Variants in COL8A1 observed in about 807,000 individuals in gnomAD.
COL8A1 encodes the protein collagen type VIII alpha 1 chain, also known as collagen alpha-1(VIII) chain.
COL8A1 carries 21 observed loss-of-function variants against 42.7 expected under a neutral mutation model. That is an observed-to-expected ratio of 0.49 (90% CI 0.35 to 0.71). The LOEUF is 0.71. Ranked by LOEUF, COL8A1 falls within the 30% of genes least tolerant of loss-of-function variation. The pLI is 0.01. For synonymous variants in COL8A1, 367 were observed against 369.1 expected (o/e 0.99, Z 0.06); for missense variants, 788 against 962.4 (o/e 0.82, Z 2.40).
In COL8A1 at chr3:99,666,625, G is replaced by A. The variant is rs114121356; in HGVS notation, c.-129+27961G>A. On this transcript the variant is annotated intron_variant, in intron 1 of 3. Transcript: ENST00000652472. ...TAGACTAGTGTGGAAAGTTAAGGTG[G>A]GGGAGAGTGGATTAATCTAATTTTG... is the stretch of plus-strand genomic sequence containing the variant. Among the ~76,000 whole-genome samples the A allele has an allele frequency of 3.7e-3, 561 of 152,256 alleles. 3 individuals carry two copies. The highest frequency in any genetic ancestry group is 0.012 in the African/African-American group (496 of 41,552).
intron 1 of COL8A1, among the ~76,000 whole-genome samples, chr3:99,651,064 T>C (rs1937830195): frequency 6.6e-6 from 1 of 152,206 alleles, no homozygotes; most frequent in Admixed American, 6.5e-5. Flanking sequence ...ATTGTACAAA[T>C]GGTGTTTGCC....
At chr3:99,775,649 C>T (rs2107442531) in intron 2 of COL8A1, among the ~76,000 whole-genome samples, 1 of 152,298 alleles carries the variant, frequency 6.6e-6, no homozygotes, top group East Asian at 1.9e-4. Context: ...GGCTAGGCTT[C>T]TCTAGGGTTC....
intron 1 of COL8A1, among the ~76,000 whole-genome samples, chr3:99,708,788 A>T (rs1322997262): frequency 6.6e-6 from 1 of 152,138 alleles, no homozygotes; most frequent in Non-Finnish European, 1.5e-5. Context: ...GCATTTTCCA[A>T]CCACTTCATT....
At chr3:99,721,232 T>G (rs1253670030) in intron 1 of COL8A1, among the ~76,000 whole-genome samples, 2 of 151,548 alleles carry the variant, frequency 1.3e-5, no homozygotes, top group Admixed American at 1.3e-4. Context: ...ACAATTAATG[T>G]GAGTTGTGTA....
At chr3:99,782,101 C>T (rs1941802643) in intron 2 of COL8A1, among the ~76,000 whole-genome samples, 1 of 152,116 alleles carries the variant, frequency 6.6e-6, no homozygotes, top group African/African-American at 2.4e-5. Flanking sequence ...GTAAGCTTCA[C>T]ATTTGTATTC....
intron 1 of COL8A1, among the ~76,000 whole-genome samples, chr3:99,660,394 G>A (rs779976408): frequency 3.9e-5 from 6 of 152,132 alleles, no homozygotes; most frequent in Non-Finnish European, 7.3e-5. Flanking sequence ...TCCTGAGACA[G>A]GTCCTTTTCT....
chr3:99,770,372 A>G (rs1941555389), intron 2 of COL8A1, among the ~76,000 whole-genome samples: 1 of 152,152 alleles, frequency 6.6e-6, no homozygotes, highest in African/African-American at 2.4e-5. Context: ...CCAAGGTATC[A>G]TATTGTAGGG....
chr3:99,759,671 G>T (rs1941329412), intron 2 of COL8A1, among the ~76,000 whole-genome samples: 1 of 152,136 alleles, frequency 6.6e-6, no homozygotes, highest in African/African-American at 2.4e-5. Flanking sequence ...TGCTTTATTA[G>T]TTTGAAAAGC....
intron 1 of COL8A1, among the ~76,000 whole-genome samples, chr3:99,653,108 G>A (rs1647273521): frequency 6.6e-6 from 1 of 152,202 alleles, no homozygotes; most frequent in African/African-American, 2.4e-5. Flanking sequence ...ATGTAAGAAA[G>A]TGTCTGCTAG....
intron 1 of COL8A1, among the ~76,000 whole-genome samples, chr3:99,735,687 C>T (rs1940685711): frequency 2.0e-5 from 3 of 149,928 alleles, no homozygotes; most frequent in Admixed American, 1.3e-4. Context: ...GGGAGGATTC[C>T]CTCTTTTTCT....
intron 2 of COL8A1, among the ~76,000 whole-genome samples, chr3:99,759,972 C>T (rs1941335962): frequency 6.6e-6 from 1 of 152,156 alleles, no homozygotes. Flanking sequence ...ACATCACTCT[C>T]TTCCTCTTCT....
intron 1 of COL8A1, among the ~76,000 whole-genome samples, chr3:99,741,191 T>C (rs944037135): frequency 6.6e-6 from 1 of 152,228 alleles, no homozygotes; most frequent in Non-Finnish European, 1.5e-5. Context: ...CTAATGAGAT[T>C]GAAGGCTTTC....
chr3:99,666,268 G>A (rs776866748), intron 1 of COL8A1, among the ~76,000 whole-genome samples: 67 of 152,162 alleles, frequency 4.4e-4, no homozygotes, highest in Non-Finnish European at 9.3e-4. Flanking sequence ...TACTTAGAAG[G>A]AAATTAAAAA....
chr3:99,653,703 C>A (rs1937923392), intron 1 of COL8A1, among the ~76,000 whole-genome samples: 1 of 150,598 alleles, frequency 6.6e-6, no homozygotes, highest in Admixed American at 6.7e-5. Flanking sequence ...TGCTGCTGTG[C>A]TCTACAACAC....
chr3:99,700,170 T>C (rs1349305455), intron 1 of COL8A1, among the ~76,000 whole-genome samples: 1 of 152,014 alleles, frequency 6.6e-6, no homozygotes, highest in East Asian at 1.9e-4. Context: ...ACAGGGAAGC[T>C]CAGAGATCCT....
intron 1 of COL8A1, among the ~76,000 whole-genome samples, chr3:99,670,092 T>C (rs1000196260): frequency 3.3e-5 from 5 of 152,122 alleles, no homozygotes; most frequent in Admixed American, 2.6e-4. Context: ...TTTGCCTTGG[T>C]GTGAAATATA....
At chr3:99,683,947 G>T (rs968919691) in intron 1 of COL8A1, among the ~76,000 whole-genome samples, 3 of 152,140 alleles carry the variant, frequency 2.0e-5, no homozygotes, top group African/African-American at 7.2e-5. Context: ...AGGTTTTGGG[G>T]CCAAAAACTG....
chr3:99,773,841 T>TATATATATATATATATA (rs1381763910), intron 2 of COL8A1, among the ~76,000 whole-genome samples: 5 of 85,640 alleles, frequency 5.8e-5, no homozygotes, highest in African/African-American at 4.9e-5. Context: ...ATATATATTT[T>TATATATATATATATATA]TTTTTTTTTT....
chr3:99,644,761 T>C (rs138578250), intron 1 of COL8A1, among the ~76,000 whole-genome samples: 11 of 152,358 alleles, frequency 7.2e-5, no homozygotes, highest in African/African-American at 2.6e-4. Flanking sequence ...GTGCTGAGAC[T>C]GAAGACAATC....
Sources: allele counts gnomAD v4.1 joint callset (sites outside exome capture counted in the v4.1 genomes callset), GRCh38; gene constraint gnomAD v4.1.1; transcripts MANE v1.5; gene names NCBI Gene and HGNC (gene_info 2026-07-23, HGNC 2026-07-21).